Variants in EYA3 observed in about 807,000 individuals in gnomAD.
EYA3 encodes the protein protein phosphatase EYA3.
Under a neutral mutation model 80.0 loss-of-function variants are expected in EYA3, and 39 were observed. That is an observed-to-expected ratio of 0.49 (90% CI 0.38 to 0.64). The LOEUF (loss-of-function observed/expected upper bound fraction) is 0.64. Among genes scored for constraint, EYA3 ranks in the 30% least tolerant of loss-of-function variants. The pLI, the probability that EYA3 is intolerant of heterozygous loss-of-function variation, is 0.00. For missense variants in EYA3, 523 were observed against 676.1 expected, an observed-to-expected ratio of 0.77 and a Z score of 2.51; for synonymous variants, 206 against 232.8, an observed-to-expected ratio of 0.88 and a Z score of 1.05.
intron 13 of EYA3, among the ~76,000 whole-genome samples, chr1:27,995,376 A>G (rs1329145458): frequency 2.1e-5 from 3 of 144,152 alleles, no homozygotes; most frequent in African/African-American, 5.2e-5. Flanking sequence ...TGATCACAAC[A>G]CTGCACTCCA....
intron 3 of EYA3, among the ~76,000 whole-genome samples, chr1:28,043,281 G>A (rs940851051): frequency 2.0e-5 from 3 of 151,170 alleles, no homozygotes; most frequent in African/African-American, 4.9e-5. Context: ...ATATGTTTAT[G>A]GGGTACAATG....
chr1:28,076,733 ATTTCTTTTTT>A (rs1436031016), intron 1 of EYA3, among the ~76,000 whole-genome samples: 19 of 145,788 alleles, frequency 1.3e-4, no homozygotes, highest in Admixed American at 3.4e-4. Flanking sequence ...TGCTTTTATA[ATTTCTTTTTT>A]TTTTTTTTTT....
intron 8 of EYA3, among the ~76,000 whole-genome samples, chr1:28,014,554 C>G (rs895876306): frequency 6.6e-6 from 1 of 151,526 alleles, no homozygotes; most frequent in African/African-American, 2.4e-5. Context: ...ATGGCGAAAC[C>G]CAGCCCCTAC....
intron 8 of EYA3, among the ~76,000 whole-genome samples, chr1:28,015,890 T>C (rs1032420461): frequency 2.6e-5 from 4 of 152,066 alleles, no homozygotes; most frequent in African/African-American, 9.7e-5. Flanking sequence ...CAGGGAAAAG[T>C]GGTTTTACTT....
intron 16 of EYA3, among the ~76,000 whole-genome samples, chr1:27,981,449 G>A (rs1639295318): frequency 6.6e-6 from 1 of 152,126 alleles, no homozygotes. Context: ...TGAGTGCTCT[G>A]GGTTCCTATG....
chr1:28,032,120 G>A (rs1571851896), intron 6 of EYA3: 1 of 152,126 alleles, frequency 6.6e-6, no homozygotes, highest in Non-Finnish European at 1.5e-5. Flanking sequence ...GGGCTCAAGC[G>A]ATCCTCCTAC....
intron 3 of EYA3, among the ~76,000 whole-genome samples, chr1:28,047,555 G>A (rs1644060859): frequency 6.9e-6 from 1 of 145,484 alleles, no homozygotes; most frequent in Non-Finnish European, 1.5e-5. Flanking sequence ...GTGCACAAAC[G>A]ACAGAAGGTA....
chr1:28,074,565 A>C (rs1334829444), intron 1 of EYA3, among the ~76,000 whole-genome samples: 1 of 148,962 alleles, frequency 6.7e-6, no homozygotes, highest in Admixed American at 6.7e-5. Context: ...CCCAGGCTGG[A>C]GTGCAGTGGC....
intron 16 of EYA3, among the ~76,000 whole-genome samples, chr1:27,984,723 G>A (rs563249815): frequency 8.7e-4 from 133 of 152,104 alleles, no homozygotes; most frequent in Non-Finnish European, 1.4e-3. Context: ...CTAGTGGATC[G>A]TTTCCATCTG....
At chr1:28,076,013 C>G (rs936663130) in intron 1 of EYA3, among the ~76,000 whole-genome samples, 10 of 152,254 alleles carry the variant, frequency 6.6e-5, no homozygotes, top group Admixed American at 6.5e-4. Flanking sequence ...CTCAGCTAAC[C>G]TCTCTTAAGG....
At chr1:28,052,588 A>G (rs923484695) in intron 2 of EYA3, among the ~76,000 whole-genome samples, 2 of 152,244 alleles carry the variant, frequency 1.3e-5, no homozygotes, top group Admixed American at 1.3e-4. Context: ...AATGGATCAA[A>G]GCACTAAATG....
At chr1:28,033,657 A>T (rs199764648) in intron 6 of EYA3, among the ~76,000 whole-genome samples, 1,396 of 125,822 alleles carry the variant, frequency 0.011, 13 homozygotes, top group Middle Eastern at 0.028. Context: ...TATTATTATT[A>T]TTATTATTAT....
At chr1:28,059,210 C>T (rs543009679) in intron 1 of EYA3, among the ~76,000 whole-genome samples, 1 of 152,304 alleles carries the variant, frequency 6.6e-6, no homozygotes, top group South Asian at 2.1e-4. Context: ...GGAGAGAAAA[C>T]ACACATAAGG....
At chr1:28,081,362 G>C (rs763386834) in intron 1 of EYA3, among the ~76,000 whole-genome samples, 5 of 152,058 alleles carry the variant, frequency 3.3e-5, no homozygotes, top group Non-Finnish European at 7.4e-5. Flanking sequence ...TATAGCAGAA[G>C]AACACCTGGT....
intron 5 of EYA3, among the ~76,000 whole-genome samples, chr1:28,037,763 T>C (rs525844): frequency 0.65 from 98,212 of 152,112 alleles, 32,410 homozygotes; most frequent in African/African-American, 0.78. Flanking sequence ...TATTTTTTAA[T>C]TAATGAAAAT....
chr1:28,051,959 GAA>G (rs58492640), intron 2 of EYA3, among the ~76,000 whole-genome samples: 41 of 131,668 alleles, frequency 3.1e-4, no homozygotes, highest in South Asian at 4.9e-4. Context: ...AAACAATCTT[GAA>G]AAAAAAAAAA....
In EYA3 at chr1:27,993,407, G is replaced by GT; in HGVS notation, c.1295dup (p.Asn432LysfsTer22). Reference sequence around the variant, plus strand: ...GTTATATGCCACACTTACCACCCACGTTGCTTTTATGCTTATCATAGATTT... The same window carrying GT: ...GTTATATGCCACACTTACCACCCACGTTTGCTTTTATGCTTATCATAGATTT... On this transcript the variant is annotated frameshift_variant, in exon 14 of 18. Coordinates refer to ENST00000373871, the MANE Select transcript of EYA3 (RefSeq NM_001990.4). LOFTEE classifies it high-confidence loss of function. 6.2e-7 allele frequency: 1 copy of GT among 1,612,952 alleles called. No homozygotes were observed. Among genetic ancestry groups the GT allele is most frequent in the Non-Finnish European group, 8.5e-7 (1 of 1,179,586 alleles).
intron 10 of EYA3, among the ~76,000 whole-genome samples, chr1:28,006,419 A>G (rs1017248239): frequency 2.6e-5 from 4 of 152,082 alleles, no homozygotes; most frequent in African/African-American, 7.2e-5. Context: ...TAAAAAATCC[A>G]TAACTAGCCG....
chr1:27,974,308 A>T lies in EYA3; in HGVS notation c.*158T>A, dbSNP rs1054521455. 6 of 474,210 alleles carry T rather than the reference A, an allele frequency of 1.3e-5. No homozygotes were observed. The highest frequency in any genetic ancestry group is 5.9e-5 in the South Asian group (2 of 33,770). The allele number at this position is 474,210 out of a possible 1,614,324, so 29.4% of individuals were successfully genotyped here. A position where few individuals can be genotyped will look rare whatever the true frequency, so the allele number is the denominator to read the frequency against. ...CAGAGAGGGAGGGAGAGAGGAAGGG[A>T]GGGAGGGAGAGAGGGAGAGAGAGAA... On this transcript the variant is annotated 3_prime_UTR_variant, in exon 18 of 18. Transcript: ENST00000373871.
Sources: gnomAD v4.1 joint callset for allele counts (sites outside exome capture counted in the v4.1 genomes callset) on GRCh38, gnomAD v4.1.1 for gene constraint, MANE v1.5 for transcripts, NCBI Gene and HGNC (gene_info 2026-07-23, HGNC 2026-07-21) for gene names.